Variants in DHX37 observed in about 807,000 individuals in gnomAD.
DHX37 encodes the protein DEAH-box helicase 37, also known as probable ATP-dependent RNA helicase DHX37.
DHX37 carries 52 observed loss-of-function variants against 134.3 expected under a neutral mutation model. The observed-to-expected ratio is 0.39, with a 90% CI of 0.31 to 0.49. The LOEUF (loss-of-function observed/expected upper bound fraction) is 0.49. Among genes scored for constraint, DHX37 ranks in the 20% least tolerant of loss-of-function variants. DHX37 has a pLI of 0.93. For missense variants in DHX37, 1,344 were observed against 1,580.8 expected (o/e 0.85, Z 2.54); for synonymous variants, 634 against 670.7 (o/e 0.95, Z 0.85).
Position 124,980,380 on chromosome 12 carries a change from G to C in DHX37, c.738+110C>G, listed in dbSNP as rs1954732690. Reference sequence around the variant, plus strand: ...GTCACTCTCCCCTTTCCCAGATGGGGACATGGAGGCACAGAGAAGGGATGC... The same window carrying C: ...GTCACTCTCCCCTTTCCCAGATGGGCACATGGAGGCACAGAGAAGGGATGC... On this transcript the variant is annotated intron_variant, in intron 4 of 26. Transcript: ENST00000308736. The surrounding 1 kb of genome is among the most constrained non-coding windows in gnomAD (Gnocchi z 5.3). 8.2e-7 allele frequency: 1 copy of C among 1,221,904 alleles called. No homozygotes were observed. The highest frequency in any genetic ancestry group is 2.7e-5 in the Admixed American group (1 of 36,528). 75.7% of individuals were successfully genotyped at this position (1,221,904 alleles called of 1,614,324 possible). A position where few individuals can be genotyped will look rare whatever the true frequency, so the allele number is the denominator to read the frequency against.
intron 18 of DHX37, among the ~76,000 whole-genome samples, chr12:124,955,676 C>T (rs932839939): frequency 1.3e-5 from 2 of 152,246 alleles, no homozygotes; most frequent in African/African-American, 4.8e-5. Flanking sequence ...ATCTCATTTC[C>T]TCAAATTAAA....
Position 124,968,531 on chromosome 12 carries a change from C to T in DHX37, c.1408+3G>A, listed in dbSNP as rs768101890. The T allele has an allele frequency of 6.2e-6, 10 of 1,612,654 alleles. No homozygotes were observed. Among genetic ancestry groups the T allele is most frequent in the South Asian group, 1.1e-5 (1 of 91,088 alleles). On this transcript the variant is annotated splice_donor_region_variant and intron_variant, in intron 10 of 26. Coordinates refer to ENST00000308736, the MANE Select transcript of DHX37 (RefSeq NM_032656.4). Reference sequence around the variant, plus strand: ...CTTTCCCCTGACCTGGCCAGGGCCTCACCTGCGGGCAGCATCCGGTGGATC... The same window carrying T: ...CTTTCCCCTGACCTGGCCAGGGCCTTACCTGCGGGCAGCATCCGGTGGATC...
At position 124,988,953 on chromosome 12, in the gene DHX37, G is replaced by T. The variant is rs771416866; in HGVS notation, c.70C>A (p.Pro24Thr). The change falls in exon 1 of 27, where the codon CCC (proline) becomes ACC (threonine). Residue 24 changes from proline to threonine, a missense_variant. Physicochemically the swap from Pro to Thr is conservative, Grantham distance 38. This residue lies in a region of DHX37 where 319 missense variants were observed against 296.1 expected (regional missense o/e 1.08). Transcript: ENST00000308736. ...AGCTGCACGGGGGGCGGCTCGGGGG[G>T]GCCCTTCGAGGGTCCGGGGCCCGCC... Reference protein sequence around the residue: ...QQAGPGPSKGPPEPPPVQLEL... With the variant: ...QQAGPGPSKGTPEPPPVQLEL... The T allele has an allele frequency of 2.2e-6, 3 of 1,342,138 alleles. No homozygotes were observed. Among genetic ancestry groups the T allele is most frequent in the Admixed American group, 3.0e-5 (1 of 32,830 alleles). 83.1% of individuals were successfully genotyped at this position (1,342,138 alleles called of 1,614,324 possible).
rs762614221 is a variant in DHX37, at chr12:124,980,601, G to T, written c.627C>A (p.Pro209=). 5.6e-6 allele frequency: 9 copies of T among 1,610,376 alleles called. No individual in the cohort carries two copies. The Admixed American group carries it at 1.5e-4, about 27-fold the overall frequency. Residue 209 remains proline (P), a synonymous_variant, in exon 4 of 27, where the codon CCC becomes CCA. Transcript: ENST00000308736. This position sits in a 1 kb window ranked among gnomAD's most constrained non-coding sequence, Gnocchi z 5.3. ...GAGGAACAGTCATCCCAGCCGGCAC[G>T]GGCTGACTGCTGGGTGCTGGAGCTG... ...LPPAPAPSSQ[P]VPAGMTVPPP...
In DHX37 at chr12:124,957,040, C is replaced by A; in HGVS notation, c.2253G>T (p.Gln751His). Residue 751 changes from glutamine (Q) to histidine (H), a missense_variant, in exon 17 of 27, where the codon CAG (glutamine) becomes CAT (histidine). Gln to His is a conservative substitution (Grantham distance 24). Around this residue, in one of 7 missense-constraint regions of DHX37, gnomAD observed 558 missense variants for 650.0 expected, o/e 0.86. Transcript: ENST00000308736. ...LIALGALQPP[Q>H]KAERVKQLQE... ...TCTCTTGGCCTTACCTTTCTGCTTT[C>A]TGGGGCGGTTGCAGGGCACCCAGTG... 6.6e-7 allele frequency: 1 copy of A among 1,514,366 alleles called. No homozygotes were observed. The highest frequency in any genetic ancestry group is 1.3e-5 in the South Asian group (1 of 75,628). The allele number at this position is 1,514,366 out of a possible 1,614,324, so 93.8% of individuals were successfully genotyped here.
In DHX37 at chr12:124,965,817, G is replaced by A. The variant is rs1021655154; in HGVS notation, c.1591-5C>T. 8.1e-6 allele frequency: 13 copies of A among 1,612,686 alleles called. No homozygotes were observed. Among genetic ancestry groups the A allele is most frequent in the Admixed American group, 1.7e-5 (1 of 59,918 alleles). ...CAAGTTGATCTGGGGCAGCACCTACGGCGAACAAGACATAGACACCTGGGC... is the reference window on the plus strand; with the variant it reads ...CAAGTTGATCTGGGGCAGCACCTACAGCGAACAAGACATAGACACCTGGGC... On this transcript the variant is annotated splice_region_variant and splice_polypyrimidine_tract_variant and intron_variant, in intron 12 of 26. Coordinates refer to ENST00000308736, the MANE Select transcript of DHX37 (RefSeq NM_032656.4).
At chr12:124,968,075 C>T (rs560770909) in intron 10 of DHX37, among the ~76,000 whole-genome samples, 23 of 45,652 alleles carry the variant, frequency 5.0e-4, no homozygotes, top group African/African-American at 1.0e-3. Flanking sequence ...AGTAAAACTC[C>T]GTCTCAAAAA....
Position 124,956,866 on chromosome 12 carries a change from G to C in DHX37, c.2278C>G (p.Gln760Glu). 1.3e-6 allele frequency: 2 copies of C among 1,594,138 alleles called. No individual in the cohort carries two copies. Among genetic ancestry groups the C allele is most frequent in the Non-Finnish European group, 1.7e-6 (2 of 1,166,078 alleles). The change falls in exon 18 of 27, where the codon CAG becomes GAG. Residue 760 changes from glutamine (Q) to glutamate (E), a missense_variant. Physicochemically the swap from Gln to Glu is conservative, Grantham distance 29. Transcript: ENST00000308736. ...PQKAERVKQL[Q>E]ENRLSCPITA... is the part of the protein sequence containing the mutation. ...ATGGGGCAGCTCAGCCGGTTCTCCT[G>C]CAGTTGCTTCACCCTGGAGATGGAG...
Position 124,953,773 on chromosome 12 carries a change from G to A in DHX37, c.2695+107C>T, listed in dbSNP as rs75611718. On this transcript the variant is annotated intron_variant, in intron 20 of 26. Transcript: ENST00000308736. ...TAGGGTTATAAATACATTTTGGTGC[G>A]TAGCAAGTTTGCAAACGTGGACTCT... 82 of 1,476,124 alleles carry A rather than the reference G, an allele frequency of 5.6e-5. No homozygotes were observed. The East Asian group carries it at 1.1e-3, about 19-fold the overall frequency. The allele number at this position is 1,476,124 out of a possible 1,614,324, so 91.4% of individuals were successfully genotyped here. A position where few individuals can be genotyped will look rare whatever the true frequency, so the allele number is the denominator to read the frequency against.
chr12:124,975,540 A>G, intron 5 of DHX37, 29 bp from the exon 6 acceptor site: 1 of 1,607,894 alleles, frequency 6.2e-7, no homozygotes, highest in Admixed American at 1.7e-5. Context: ...GGCCATCAAC[A>G]GTGCGCGGCC....
Position 124,961,174 on chromosome 12 carries a change from G to A in DHX37, c.2046-751C>T, listed in dbSNP as rs527983724. 1.4e-4 allele frequency among the ~76,000 whole-genome samples: 11 copies of A among 80,524 alleles called. No homozygotes were observed. The South Asian group carries it at 2.0e-3, about 15-fold the overall frequency. 52.8% of individuals were successfully genotyped at this position (80,524 alleles called of 152,430 possible). A position where few individuals can be genotyped will look rare whatever the true frequency, so the allele number is the denominator to read the frequency against. ...CACGCACACACACTTACATACACGC[G>A]CGCATGCGCGCACGCACACACACAC... is the stretch of plus-strand genomic sequence containing the variant. On this transcript the variant is annotated intron_variant, in intron 15 of 26. Transcript: ENST00000308736.
intron 15 of DHX37, among the ~76,000 whole-genome samples, chr12:124,961,962 G>A (rs4765193): frequency 0.22 from 32,926 of 151,914 alleles, 4,359 homozygotes; most frequent in East Asian, 0.57. Context: ...AAAAAAAGTG[G>A]GGGTGGGTGA....
rs1388113182 is a variant in DHX37 at position 124,960,740 on chromosome 12, G to A, written c.2046-317C>T. 2.0e-5 allele frequency among the ~76,000 whole-genome samples: 3 copies of A among 152,328 alleles called. No individual in the cohort carries two copies. In the East Asian group the frequency reaches 5.8e-4, roughly 29 times the overall value. ...AGGCTGGGGTGGGTGGATCACTTGA[G>A]GTCAGGAGTTCAAGACCAGCCTGGC... On this transcript the variant is annotated intron_variant, in intron 15 of 26. Coordinates refer to ENST00000308736, the MANE Select transcript of DHX37 (RefSeq NM_032656.4).
chr12:124,955,836 C>A (rs1227484395), intron 18 of DHX37, among the ~76,000 whole-genome samples: 1 of 147,898 alleles, frequency 6.8e-6, no homozygotes, highest in Non-Finnish European at 1.5e-5. Flanking sequence ...ATTTCACAGG[C>A]TGAGGCCACG....
intron 20 of DHX37, chr12:124,952,783 C>G (rs925737588): frequency 5.0e-6 from 2 of 403,362 alleles, no homozygotes; most frequent in Admixed American, 4.3e-5. Context: ...TGGGACAAAG[C>G]CCCACATCCT....
chr12:124,970,760 A>G (rs1359369205), intron 8 of DHX37, among the ~76,000 whole-genome samples: 1 of 152,234 alleles, frequency 6.6e-6, no homozygotes, highest in African/African-American at 2.4e-5. Flanking sequence ...GGCCAGGCTC[A>G]TGGCACATGT....
intron 10 of DHX37, among the ~76,000 whole-genome samples, chr12:124,968,027 G>A (rs1170893086): frequency 6.6e-6 from 1 of 151,898 alleles, no homozygotes; most frequent in East Asian, 1.9e-4. Context: ...GTTGCAGTGA[G>A]CCAAGATCTG....
At chr12:124,954,264 C>G (rs1594475036) in intron 18 of DHX37, 53 bp from the exon 19 acceptor site, 1 of 1,518,116 alleles carries the variant, frequency 6.6e-7, no homozygotes, top group Middle Eastern at 1.8e-4. Context: ...GCGCTCAGGG[C>G]CTCAGCGGGG....
Position 124,964,489 on chromosome 12 carries a change from A to T in DHX37, c.1950T>A (p.Thr650=). Residue 650 remains threonine, a synonymous_variant, in exon 15 of 27, where the codon ACT becomes ACA. Coordinates refer to ENST00000308736, the MANE Select transcript of DHX37 (RefSeq NM_032656.4). ...AGGTGACACGGAAGGAGGATACGCC[A>T]GTGACGCGGTCGTAGTAGCGTTTCT... ...KVKKRYYDRV[T]GVSSFRVTWV... The T allele has an allele frequency of 3.7e-6, 6 of 1,614,236 alleles. No homozygotes were observed. Among genetic ancestry groups the T allele is most frequent in the Non-Finnish European group, 5.1e-6 (6 of 1,180,032 alleles).
Sources: gnomAD v4.1 joint callset for allele counts (sites outside exome capture counted in the v4.1 genomes callset) on GRCh38, gnomAD v4.1.1 for gene constraint, gnomAD v4.1.1 regional missense constraint, Gnocchi (gnomAD v3.1) non-coding constraint, MANE v1.5 for transcripts, NCBI Gene and HGNC (gene_info 2026-07-23, HGNC 2026-07-21) for gene names.